UST: variants seen among roughly 807,000 people sequenced by gnomAD.
UST encodes the protein chondroitin sulfate 2-O-sulfotransferase.
A neutral mutation model predicts 45.6 loss-of-function variants in UST; 21 were observed. The ratio of observed to expected loss-of-function variants is 0.46; its 90% CI spans 0.33 to 0.66. The LOEUF is 0.66. Ranked by LOEUF, UST falls within the 30% of genes least tolerant of loss-of-function variation. The pLI, the probability that UST is intolerant of heterozygous loss-of-function variation, is 0.02. For synonymous variants in UST, 215 were observed against 200.6 expected (o/e 1.07, Z -0.61); for missense variants, 463 against 512.4 (o/e 0.90, Z 0.93).
At chr6:148,783,909 G>A (rs556669040) in intron 1 of UST, among the ~76,000 whole-genome samples, 1 of 152,134 alleles carries the variant, frequency 6.6e-6, no homozygotes, top group Admixed American at 6.6e-5. Flanking sequence ...AGGTGAAGAT[G>A]ATGAGCTACA....
chr6:148,785,185 A>C, intron 1 of UST, among the ~76,000 whole-genome samples: 1 of 151,616 alleles, frequency 6.6e-6, no homozygotes, highest in East Asian at 1.9e-4. Flanking sequence ...TGGGCGACAG[A>C]GCAAGACTCC....
chr6:148,859,586 G>A (rs545495590), intron 1 of UST, among the ~76,000 whole-genome samples: 2 of 152,234 alleles, frequency 1.3e-5, no homozygotes, highest in East Asian at 3.9e-4. Context: ...GGTCCTGAAT[G>A]GTATTGCCTA....
intron 1 of UST, among the ~76,000 whole-genome samples, chr6:148,845,561 G>A (rs9377166): frequency 0.32 from 49,073 of 152,076 alleles, 9,734 homozygotes; most frequent in East Asian, 0.84. Context: ...TAAGGCCACT[G>A]TGAATATTCT....
At chr6:148,932,190 G>T (rs1479843969) in intron 2 of UST, among the ~76,000 whole-genome samples, 1 of 152,160 alleles carries the variant, frequency 6.6e-6, no homozygotes, top group Non-Finnish European at 1.5e-5. Flanking sequence ...GACCAGCCTG[G>T]CCAACAGGGT....
chr6:148,895,779 A>G (rs1283110004), intron 2 of UST, among the ~76,000 whole-genome samples: 1 of 152,208 alleles, frequency 6.6e-6, no homozygotes, highest in East Asian at 1.9e-4. Flanking sequence ...AGGCCTCCTT[A>G]GCCATGTGGA....
intron 1 of UST, among the ~76,000 whole-genome samples, chr6:148,822,308 T>C (rs770745678): frequency 1.2e-4 from 18 of 152,250 alleles, no homozygotes; most frequent in African/African-American, 3.9e-4. Context: ...TCTTTCCTCT[T>C]TCCATATTTA....
chr6:149,064,952 G>T (rs754889258), intron 7 of UST, among the ~76,000 whole-genome samples: 1 of 151,946 alleles, frequency 6.6e-6, no homozygotes, highest in African/African-American at 2.4e-5. Flanking sequence ...CCGATCTTGG[G>T]CTGCCTTTTT....
At chr6:148,950,081 C>G (rs1326993156) in intron 3 of UST, among the ~76,000 whole-genome samples, 2 of 152,222 alleles carry the variant, frequency 1.3e-5, no homozygotes, top group Non-Finnish European at 2.9e-5. Flanking sequence ...CTTAACCCTC[C>G]CGGAACCTCC....
intron 2 of UST, among the ~76,000 whole-genome samples, chr6:148,930,781 A>G (rs915256111): frequency 1.3e-5 from 2 of 152,210 alleles, no homozygotes; most frequent in Non-Finnish European, 2.9e-5. Context: ...CCAATCTGCC[A>G]CACTATTTTA....
intron 1 of UST, among the ~76,000 whole-genome samples, chr6:148,789,838 T>G (rs1776805686): frequency 6.6e-6 from 1 of 152,024 alleles, no homozygotes; most frequent in South Asian, 2.1e-4. Flanking sequence ...CCTCAAAAGA[T>G]CCACCCGTCT....
intron 7 of UST, among the ~76,000 whole-genome samples, chr6:149,028,434 C>T (rs925019147): frequency 5.9e-5 from 9 of 152,152 alleles, no homozygotes; most frequent in African/African-American, 1.7e-4. Context: ...CTGAGAGAAA[C>T]TGGACTGGAG....
intron 1 of UST, among the ~76,000 whole-genome samples, chr6:148,807,228 C>T (rs1001650538): frequency 6.6e-6 from 1 of 152,192 alleles, no homozygotes; most frequent in African/African-American, 2.4e-5. Flanking sequence ...AGCCCCTTTA[C>T]TGATACATTG....
chr6:148,757,881 G>A (rs6900850), intron 1 of UST, among the ~76,000 whole-genome samples: 21,040 of 152,242 alleles, frequency 0.14, 1,689 homozygotes, highest in African/African-American at 0.22. Flanking sequence ...AGCTCCGGGT[G>A]TGAAGCACTG....
At chr6:148,977,478 G>A (rs1474090157) in intron 5 of UST, among the ~76,000 whole-genome samples, 2 of 152,064 alleles carry the variant, frequency 1.3e-5, no homozygotes, top group Non-Finnish European at 2.9e-5. Flanking sequence ...AGGGTCGGGC[G>A]TGGTGGCTCA....
chr6:148,925,189 CCTGA>C (rs1223598456), intron 2 of UST, among the ~76,000 whole-genome samples: 2 of 152,132 alleles, frequency 1.3e-5, no homozygotes, highest in Admixed American at 1.3e-4. Flanking sequence ...TGATTTGTGA[CCTGA>C]CTACTTGCCC....
At chr6:149,038,234 C>A (rs1294172458) in intron 7 of UST, among the ~76,000 whole-genome samples, 1 of 151,482 alleles carries the variant, frequency 6.6e-6, no homozygotes, top group Non-Finnish European at 1.5e-5. Context: ...GAGACCCCTT[C>A]CCCTGCAAAA....
At chr6:148,830,662 A>C (rs1777666139) in intron 1 of UST, among the ~76,000 whole-genome samples, 1 of 152,230 alleles carries the variant, frequency 6.6e-6, no homozygotes, top group South Asian at 2.1e-4. Context: ...CATTTTTAAA[A>C]ATTCTACCAT....
chr6:148,819,347 C>T (rs1026137425), intron 1 of UST, among the ~76,000 whole-genome samples: 1 of 152,096 alleles, frequency 6.6e-6, no homozygotes, highest in Admixed American at 6.5e-5. Flanking sequence ...GGACAAAATA[C>T]GATTTGACAT....
At chr6:148,976,060 T>C (rs573618224) in intron 5 of UST, among the ~76,000 whole-genome samples, 1 of 152,308 alleles carries the variant, frequency 6.6e-6, no homozygotes, top group Non-Finnish European at 1.5e-5. Flanking sequence ...TATTAAGATA[T>C]AAGAAGTCTT....
Sources: allele counts gnomAD v4.1 joint callset (sites outside exome capture counted in the v4.1 genomes callset), GRCh38; gene constraint gnomAD v4.1.1; transcripts MANE v1.5; gene names NCBI Gene and HGNC (gene_info 2026-07-23, HGNC 2026-07-21).